Variants in NUDT3 observed in about 807,000 individuals in gnomAD.
NUDT3 encodes diphosphoinositol polyphosphate phosphohydrolase 1.
NUDT3 carries 9 observed loss-of-function variants against 23.6 expected under a neutral mutation model. That is an observed-to-expected ratio of 0.38 (90% confidence interval 0.23 to 0.66). The LOEUF is 0.66. NUDT3 is among the 30% of genes least tolerant of loss of function. The pLI is 0.52. For missense variants in NUDT3, 172 were observed against 218.5 expected, an observed-to-expected ratio of 0.79 and a Z score of 1.34; for synonymous variants, 86 against 82.6, an observed-to-expected ratio of 1.04 and a Z score of -0.22.
At chr6:34,293,046 C>G (rs1763446919) in intron 4 of NUDT3, among the ~76,000 whole-genome samples, 2 of 152,086 alleles carry the variant, frequency 1.3e-5, no homozygotes, top group South Asian at 4.1e-4. Context: ...TATTCTTTAT[C>G]CAGCTCTTGT....
chr6:34,325,213 T>C (rs1265553312), intron 2 of NUDT3, among the ~76,000 whole-genome samples: 1 of 151,758 alleles, frequency 6.6e-6, no homozygotes, highest in East Asian at 1.9e-4. Flanking sequence ...ACTGATTACT[T>C]TATATAATGA....
intron 2 of NUDT3, among the ~76,000 whole-genome samples, chr6:34,329,738 G>C (rs1764098144): frequency 6.6e-6 from 1 of 152,076 alleles, no homozygotes; most frequent in African/African-American, 2.4e-5. Context: ...TGCCATGTTG[G>C]TGTGCTGCAC....
chr6:34,331,135 G>C (rs532593034), intron 2 of NUDT3, among the ~76,000 whole-genome samples: 4 of 152,320 alleles, frequency 2.6e-5, no homozygotes, highest in South Asian at 4.1e-4. Flanking sequence ...GATAATAAGG[G>C]TGAGCCACCG....
At chr6:34,356,779 G>A (rs188793981) in intron 1 of NUDT3, among the ~76,000 whole-genome samples, 1 of 151,556 alleles carries the variant, frequency 6.6e-6, no homozygotes, top group African/African-American at 2.4e-5. Context: ...AATTGTGGGG[G>A]TTTTTTTTGT....
At chr6:34,360,660 T>A (rs566536630) in intron 1 of NUDT3, among the ~76,000 whole-genome samples, 31 of 152,342 alleles carry the variant, frequency 2.0e-4, no homozygotes, top group Admixed American at 6.5e-4. Flanking sequence ...TGGAAAAAGT[T>A]ACTCTTATTC....
rs533335771 is a variant in NUDT3, at chr6:34,297,888, C to G, written c.211-2203G>C. ...GGGATTACAGGTGTGAGCCACTGCA[C>G]CCGGCCCAAGAAAAGATTTAAGAGG... On this transcript the variant is annotated intron_variant, in intron 2 of 4. Coordinates refer to ENST00000607016, the MANE Select transcript of NUDT3 (RefSeq NM_006703.4). Among the ~76,000 whole-genome samples the G allele has an allele frequency of 2.3e-4, 34 of 149,088 alleles. No homozygotes were observed. The South Asian group carries it at 3.6e-3, about 16-fold the overall frequency.
chr6:34,327,582 C>A (rs1764060032), intron 2 of NUDT3, among the ~76,000 whole-genome samples: 1 of 151,484 alleles, frequency 6.6e-6, no homozygotes, highest in African/African-American at 2.4e-5. Context: ...TTAACTATTT[C>A]TTTTACCGCT....
chr6:34,329,996 T>C (rs986636216), intron 2 of NUDT3, among the ~76,000 whole-genome samples: 1 of 152,234 alleles, frequency 6.6e-6, no homozygotes, highest in African/African-American at 2.4e-5. Context: ...TTTTTATGGC[T>C]GCATAGTATT....
chr6:34,375,910 C>T (rs1489107970), intron 1 of NUDT3, among the ~76,000 whole-genome samples: 1 of 152,078 alleles, frequency 6.6e-6, no homozygotes, highest in Non-Finnish European at 1.5e-5. Context: ...CTTCCACCTC[C>T]GCTTTTATGA....
chr6:34,365,768 T>C (rs1764717497), intron 1 of NUDT3, among the ~76,000 whole-genome samples: 1 of 151,706 alleles, frequency 6.6e-6, no homozygotes, highest in African/African-American at 2.4e-5. Context: ...ACAGGCCGGG[T>C]ACGGGGCTCA....
intron 1 of NUDT3, among the ~76,000 whole-genome samples, chr6:34,352,936 T>C (rs1411084612): frequency 2.0e-5 from 3 of 152,232 alleles, no homozygotes; most frequent in Non-Finnish European, 4.4e-5. Context: ...TGTTCTAAAC[T>C]GATAGAGGTA....
At chr6:34,310,435 C>T (rs768417520) in intron 2 of NUDT3, among the ~76,000 whole-genome samples, 3 of 151,728 alleles carry the variant, frequency 2.0e-5, no homozygotes, top group African/African-American at 4.8e-5. Context: ...GAGGCTGAGG[C>T]GGGAGAATCA....
chr6:34,366,051 T>C (rs559689554), intron 1 of NUDT3, among the ~76,000 whole-genome samples: 1 of 150,272 alleles, frequency 6.7e-6, no homozygotes, highest in Non-Finnish European at 1.5e-5. Context: ...AAAAAATATA[T>C]ATAAATAAAT....
intron 1 of NUDT3, among the ~76,000 whole-genome samples, chr6:34,372,248 G>A (rs897170943): frequency 1.3e-5 from 2 of 151,952 alleles, no homozygotes; most frequent in African/African-American, 4.8e-5. Context: ...TAATCCTTTG[G>A]GTATATACCC....
intron 1 of NUDT3, among the ~76,000 whole-genome samples, chr6:34,361,604 C>G (rs192010260): frequency 6.6e-6 from 1 of 152,206 alleles, no homozygotes; most frequent in East Asian, 1.9e-4. Flanking sequence ...TTCATAATTG[C>G]CAAAATCTTG....
At chr6:34,313,552 A>T (rs972945993) in intron 2 of NUDT3, among the ~76,000 whole-genome samples, 1 of 152,034 alleles carries the variant, frequency 6.6e-6, no homozygotes, top group Non-Finnish European at 1.5e-5. Context: ...TAGCAAATGT[A>T]CTGCTGTGGT....
intron 1 of NUDT3, among the ~76,000 whole-genome samples, chr6:34,368,869 A>C (rs1157744123): frequency 1.3e-5 from 2 of 152,074 alleles, no homozygotes; most frequent in African/African-American, 4.8e-5. Context: ...TGATCTCCAG[A>C]CCTCATGATC....
chr6:34,351,469 C>T (rs938859967), intron 1 of NUDT3, among the ~76,000 whole-genome samples: 7 of 147,912 alleles, frequency 4.7e-5, no homozygotes, highest in African/African-American at 7.6e-5. Context: ...GGGCCAGGCG[C>T]GGTGGCTCAT....
chr6:34,297,555 T>G (rs572154464), intron 2 of NUDT3, among the ~76,000 whole-genome samples: 17 of 149,234 alleles, frequency 1.1e-4, no homozygotes, highest in African/African-American at 3.2e-4. Context: ...TCATTGTTTT[T>G]TTTTTTTTTT....
Sources: allele counts gnomAD v4.1 joint callset (sites outside exome capture counted in the v4.1 genomes callset), GRCh38; gene constraint gnomAD v4.1.1; transcripts MANE v1.5; gene names NCBI Gene and HGNC (gene_info 2026-07-23, HGNC 2026-07-21).